The following FNBP1L variants were observed in gnomAD, a reference collection of about 807,000 sequenced individuals.
The protein encoded by FNBP1L is formin-binding protein 1-like.
FNBP1L carries 36 observed loss-of-function variants against 91.2 expected under a neutral mutation model. The ratio of observed to expected loss-of-function variants is 0.39; its 90% CI spans 0.30 to 0.52. FNBP1L has a LOEUF of 0.52. Among genes scored for constraint, FNBP1L ranks in the 20% least tolerant of loss-of-function variants. The pLI, the probability that FNBP1L is intolerant of heterozygous loss-of-function variation, is 0.66. For missense variants in FNBP1L, 571 were observed against 732.1 expected, an observed-to-expected ratio of 0.78 and a Z score of 2.54; for synonymous variants, 242 against 237.0, an observed-to-expected ratio of 1.02 and a Z score of -0.19.
chr1:93,456,914 G>T (rs778493530), intron 1 of FNBP1L, among the ~76,000 whole-genome samples: 1 of 152,024 alleles, frequency 6.6e-6, no homozygotes, highest in Non-Finnish European at 1.5e-5. Context: ...TTGAGACAGG[G>T]TCTCACTTCC....
In FNBP1L at chr1:93,534,918, A is replaced by G; in HGVS notation, c.990+10A>G. 1 of 1,556,482 alleles carries G rather than the reference A, an allele frequency of 6.4e-7. No individual in the cohort carries two copies. The highest frequency in any genetic ancestry group is 1.4e-5 in the African/African-American group (1 of 73,504). ...TGGAAAGAAGCCAAAGGTAAAAGTC[A>G]TAAAATTCCTATATGCTAATCAGTT... On this transcript the variant is annotated intron_variant, in intron 9 of 16. Transcript: ENST00000271234.
At chr1:93,480,960 G>C (rs1189487673) in intron 1 of FNBP1L, among the ~76,000 whole-genome samples, 1 of 151,968 alleles carries the variant, frequency 6.6e-6, no homozygotes, top group Non-Finnish European at 1.5e-5. Context: ...TCCAATTTGT[G>C]CAAGAGCAAA....
intron 2 of FNBP1L, among the ~76,000 whole-genome samples, chr1:93,507,759 C>T (rs1300307077): frequency 6.6e-6 from 1 of 152,070 alleles, no homozygotes; most frequent in Admixed American, 6.5e-5. Flanking sequence ...AGCGATTCTC[C>T]TGCCTCAGCC....
chr1:93,546,131 A>T (rs2101773306), intron 12 of FNBP1L, among the ~76,000 whole-genome samples: 1 of 152,250 alleles, frequency 6.6e-6, no homozygotes, highest in South Asian at 2.1e-4. Flanking sequence ...TTGTCATTTT[A>T]TGTAATACAC....
At position 93,536,505 on chromosome 1, in the gene FNBP1L, G is replaced by T. The variant is rs1369442102; in HGVS notation, c.1149+15G>T. The T allele has an allele frequency of 6.5e-7, 1 of 1,541,244 alleles. No homozygotes were observed. Among genetic ancestry groups the T allele is most frequent in the Non-Finnish European group, 8.8e-7 (1 of 1,141,970 alleles). ...TCAAAAGAGGGGTAAGTTTAATAAT[G>T]GGTTAAAATGCATGATGGCCTATTG... On this transcript the variant is annotated intron_variant, in intron 10 of 16. Coordinates refer to ENST00000271234, the MANE Select transcript of FNBP1L (RefSeq NM_001164473.3).
intron 3 of FNBP1L, 51 bp downstream of exon 3, chr1:93,522,186 T>C: frequency 1.1e-6 from 1 of 869,986 alleles, no homozygotes; most frequent in Admixed American, 3.9e-5. Flanking sequence ...TAAAAATACT[T>C]ATATTTTTAT....
In FNBP1L at chr1:93,532,925, C is replaced by G; in HGVS notation, c.643C>G (p.Leu215Val). ...TAAAAAAATTCTTGATTATTAGCAA[C>G]TACAAGAAATGGACGAACGAAGGAC... is the stretch of plus-strand genomic sequence containing the variant. ...YVVIPQIYKQ[L>V]QEMDERRTIK... The change falls in exon 8 of 17, where the codon CTA becomes GTA. Residue 215 changes from leucine (L) to valine (V), a missense_variant. Leu to Val is a conservative substitution (Grantham distance 32, BLOSUM62 1). Transcript: ENST00000271234. The G allele has an allele frequency of 6.3e-7, 1 of 1,593,318 alleles. No homozygotes were observed. Among genetic ancestry groups the G allele is most frequent in the Non-Finnish European group, 8.6e-7 (1 of 1,168,112 alleles).
At chr1:93,504,002 G>A (rs1287716328) in intron 2 of FNBP1L, among the ~76,000 whole-genome samples, 3 of 152,100 alleles carry the variant, frequency 2.0e-5, no homozygotes, top group Non-Finnish European at 4.4e-5. Flanking sequence ...AATTAGGCTG[G>A]AAGACAGGAA....
chr1:93,459,570 GAT>G (rs910858832), intron 1 of FNBP1L, among the ~76,000 whole-genome samples: 20 of 152,170 alleles, frequency 1.3e-4, no homozygotes, highest in African/African-American at 4.3e-4. Flanking sequence ...AAAAAGGAAA[GAT>G]AAATGTTGGT....
At chr1:93,513,449 G>A (rs367859606) in intron 2 of FNBP1L, among the ~76,000 whole-genome samples, 9 of 151,898 alleles carry the variant, frequency 5.9e-5, no homozygotes, top group African/African-American at 1.5e-4. Flanking sequence ...TACCAAAGCC[G>A]GGCAGAGACA....
At position 93,552,959 on chromosome 1, in the gene FNBP1L, C is replaced by T. The variant is rs1301837422; in HGVS notation, c.*543C>T. 6.6e-6 allele frequency: 1 copy of T among 152,362 alleles called. No homozygotes were observed. The highest frequency in any genetic ancestry group is 1.5e-5 in the Non-Finnish European group (1 of 68,160). 9.4% of individuals were successfully genotyped at this position (152,362 alleles called of 1,614,324 possible). ...CTTGTTTTGTTTTACATTTGTAGTG[C>T]AAATCACTTTGTCAAACATCTCCAG... On this transcript the variant is annotated 3_prime_UTR_variant, in exon 17 of 17. Transcript: ENST00000271234.
intron 9 of FNBP1L, among the ~76,000 whole-genome samples, 163 bp downstream of exon 9, chr1:93,535,071 CAGTT>C (rs1278711305): frequency 2.0e-5 from 3 of 152,016 alleles, no homozygotes; most frequent in Non-Finnish European, 4.4e-5. Flanking sequence ...TTAACAGTAA[CAGTT>C]ATTTATGGAT....
At chr1:93,504,558 C>T (rs1299439578) in intron 2 of FNBP1L, among the ~76,000 whole-genome samples, 1 of 152,198 alleles carries the variant, frequency 6.6e-6, no homozygotes, top group African/African-American at 2.4e-5. Context: ...ACCTCTTTAT[C>T]AGAATTTGGT....
At chr1:93,491,706 C>T (rs1364039001) in intron 1 of FNBP1L, among the ~76,000 whole-genome samples, 1 of 152,106 alleles carries the variant, frequency 6.6e-6, no homozygotes, top group East Asian at 1.9e-4. Context: ...TTTATGGTGC[C>T]TTTTAAAGCT....
chr1:93,551,269 C>G (rs1672406909), intron 16 of FNBP1L, 164 bp downstream of exon 16: 1 of 1,285,224 alleles, frequency 7.8e-7, no homozygotes, highest in South Asian at 3.1e-5. Flanking sequence ...TAGGCTTGAT[C>G]TTGTGAATAT....
chr1:93,467,410 G>A (rs565507760), intron 1 of FNBP1L, among the ~76,000 whole-genome samples: 10 of 152,236 alleles, frequency 6.6e-5, no homozygotes, highest in Admixed American at 3.3e-4. Flanking sequence ...GTACAACTCC[G>A]TTTACATGAG....
chr1:93,506,466 A>C (rs1030014260), intron 2 of FNBP1L, among the ~76,000 whole-genome samples: 1 of 152,184 alleles, frequency 6.6e-6, no homozygotes, highest in Non-Finnish European at 1.5e-5. Context: ...TCGTTGGGTC[A>C]CTTAACTGAG....
At chr1:93,463,748 TC>T (rs2101690383) in intron 1 of FNBP1L, among the ~76,000 whole-genome samples, 1 of 152,320 alleles carries the variant, frequency 6.6e-6, no homozygotes, top group East Asian at 1.9e-4. Flanking sequence ...TATGTGCAGT[TC>T]CTTTGCATTT....
intron 1 of FNBP1L, among the ~76,000 whole-genome samples, chr1:93,449,139 C>T (rs1240890178): frequency 6.6e-6 from 1 of 152,218 alleles, no homozygotes; most frequent in Non-Finnish European, 1.5e-5. Context: ...TCCTTTCCTC[C>T]TTGCCTTTCT....
Sources: gnomAD v4.1 joint callset for allele counts (sites outside exome capture counted in the v4.1 genomes callset) on GRCh38, gnomAD v4.1.1 for gene constraint, MANE v1.5 for transcripts, NCBI Gene and HGNC (gene_info 2026-07-23, HGNC 2026-07-21) for gene names.